Variants in NECTIN3 observed in about 807,000 individuals in gnomAD.
The protein encoded by NECTIN3 is nectin cell adhesion molecule 3.
In NECTIN3, 8 loss-of-function variants were observed where a neutral mutation model predicts 49.4. The ratio of observed to expected loss-of-function variants is 0.16; its 90% CI spans 0.10 to 0.29. The LOEUF is 0.29. Among genes scored for constraint, NECTIN3 ranks in the 10% least tolerant of loss-of-function variants. NECTIN3 has a pLI of 1.00. For synonymous variants in NECTIN3, 277 were observed against 241.1 expected, an observed-to-expected ratio of 1.15 and a Z score of -1.38; for missense variants, 581 against 654.6, an observed-to-expected ratio of 0.89 and a Z score of 1.23.
chr3:111,154,074 A>G (rs1209932628), intron 7 of NECTIN3, among the ~76,000 whole-genome samples: 1 of 152,152 alleles, frequency 6.6e-6, no homozygotes, highest in East Asian at 1.9e-4. Flanking sequence ...CACACACACA[A>G]ATATACTTGG....
chr3:111,169,207 A>G (rs2035386233), intron 7 of NECTIN3, among the ~76,000 whole-genome samples: 1 of 145,190 alleles, frequency 6.9e-6, no homozygotes, highest in African/African-American at 2.6e-5. Context: ...CTCCTGCCTC[A>G]GCCTCCCGAG....
chr3:111,083,457 C>T (rs997211890), intron 1 of NECTIN3, among the ~76,000 whole-genome samples: 1 of 152,076 alleles, frequency 6.6e-6, no homozygotes, highest in Non-Finnish European at 1.5e-5. Context: ...AAGAGGAAGA[C>T]ACTAGAGCTG....
intron 7 of NECTIN3, among the ~76,000 whole-genome samples, chr3:111,186,558 A>G (rs1176331606): frequency 6.6e-6 from 1 of 152,042 alleles, no homozygotes; most frequent in African/African-American, 2.4e-5. Flanking sequence ...CAAAAAATCA[A>G]CTCCTACCTA....
rs565935410 is a variant in NECTIN3 at position 111,144,753 on chromosome 3, ACCTAAT to A, written c.1001-145_1001-140del. ...AAGGGTTTTAGCATAATGCCACTAAACCTAATGAATGAAATTTGGGGTCCTCTAACC... is the reference window on the plus strand; with the variant it reads ...AAGGGTTTTAGCATAATGCCACTAAAGAATGAAATTTGGGGTCCTCTAACC... On this transcript the variant is annotated intron_variant, in intron 5 of 8. Coordinates refer to the NECTIN3 transcript ENST00000493615. The A allele has an allele frequency of 2.5e-3, 2,012 of 798,028 alleles. 30 individuals carry two copies. In the African/African-American group the frequency reaches 0.03, roughly 12 times the overall value. The allele number at this position is 798,028 out of a possible 1,614,324, so 49.4% of individuals were successfully genotyped here. A position where few individuals can be genotyped will look rare whatever the true frequency, so the allele number is the denominator to read the frequency against.
At chr3:111,144,061 A>T (rs1377459199) in intron 5 of NECTIN3, among the ~76,000 whole-genome samples, 1 of 152,078 alleles carries the variant, frequency 6.6e-6, no homozygotes, top group African/African-American at 2.4e-5. Flanking sequence ...ACATTCCTTA[A>T]TACTTAACAT....
downstream of NECTIN3, among the ~76,000 whole-genome samples, chr3:111,140,186 A>G (rs2034707422): frequency 6.6e-6 from 1 of 151,654 alleles, no homozygotes; most frequent in African/African-American, 2.4e-5. Context: ...CCCAACCACT[A>G]TTTTTAGAGT....
intron 1 of NECTIN3, among the ~76,000 whole-genome samples, chr3:111,076,128 CTT>C (rs1220888313): frequency 1.3e-5 from 2 of 152,062 alleles, no homozygotes; most frequent in African/African-American, 4.8e-5. Context: ...GTTTATGTCA[CTT>C]ATACTTTCAT....
chr3:111,156,606 T>C (rs1188394889), intron 7 of NECTIN3, among the ~76,000 whole-genome samples: 1 of 152,172 alleles, frequency 6.6e-6, no homozygotes, highest in African/African-American at 2.4e-5. Context: ...CTTGATTGAG[T>C]TGACCTTATC....
At position 111,167,884 on chromosome 3, in the gene NECTIN3, C is replaced by CTT. The variant is rs111808236; in HGVS notation, c.1221+20405_1221+20406dup. Among the ~76,000 whole-genome samples, 481 of 151,450 alleles carry CTT rather than the reference C, an allele frequency of 3.2e-3. 4 individuals are homozygous for CTT. Among genetic ancestry groups the CTT allele is most frequent in the African/African-American group, 0.011 (453 of 41,362 alleles). ...ATCTTAGGCAACTCACTTTTTTTTT[C>CTT]TTTTTTGGACATTATGTACCAGCTT... On this transcript the variant is annotated intron_variant, in intron 7 of 8. Transcript: ENST00000493615.
chr3:111,077,343 G>GAAAAAAAAAAAA lies in NECTIN3; in HGVS notation c.160+5166_160+5167insAAAAAAAAAAAA, dbSNP rs2031279895. 2.0e-4 allele frequency: 6 copies of GAAAAAAAAAAAA among 29,670 alleles called. 1 individual carries two copies. The highest frequency in any genetic ancestry group is 1.6e-3 in the Non-Finnish European group (3 of 1,824). 1.8% of individuals were successfully genotyped at this position (29,670 alleles called of 1,614,324 possible). A position where few individuals can be genotyped will look rare whatever the true frequency, so the allele number is the denominator to read the frequency against. On this transcript the variant is annotated intron_variant, in intron 1 of 5. Transcript: ENST00000485303. Reference sequence around the variant, plus strand: ...AAAAACTTTGGTTTCAACTTTAATGGTAAAAAAAAAAAAAAAAAAAGATCA... The same window carrying GAAAAAAAAAAAA: ...AAAAACTTTGGTTTCAACTTTAATGGAAAAAAAAAAAATAAAAAAAAAAAAAAAAAAAGATCA...
rs1339825241 is a variant in NECTIN3 at position 111,152,647 on chromosome 3, A to G, written c.1221+5163A>G. 3.3e-5 allele frequency among the ~76,000 whole-genome samples: 5 copies of G among 151,930 alleles called. No individual in the cohort carries two copies. In the South Asian group the frequency reaches 8.3e-4, roughly 25 times the overall value. On this transcript the variant is annotated intron_variant, in intron 7 of 8. Transcript: ENST00000493615. The stretch of plus-strand genomic sequence containing the variant: ...GCATGAATTTTATGTGCATTGCTCC[A>G]TGGTATCCAAATCTGTGGCCAAAAC...
rs200422461 is a variant in NECTIN3 at position 111,089,427 on chromosome 3, G to GTA, written c.160+17251_160+17252insAT. Reference sequence around the variant, plus strand: ...TTCTCGTGTGTGTGTGTGTGTGTGTGTGTATGTATATAAACATATACATAC... The same window carrying GTA: ...TTCTCGTGTGTGTGTGTGTGTGTGTGTATGTATGTATATAAACATATACATAC... On this transcript the variant is annotated intron_variant, in intron 1 of 5. Coordinates refer to ENST00000485303, the MANE Select transcript of NECTIN3 (RefSeq NM_015480.3). 0.039 allele frequency among the ~76,000 whole-genome samples: 5,850 copies of GTA among 150,542 alleles called. 634 individuals are homozygous for GTA. The East Asian group carries it at 0.43, about 11-fold the overall frequency.
rs1451099467 is a variant in NECTIN3 at position 111,193,224 on chromosome 3, G to A, written c.63+811G>A. On this transcript the variant is annotated intron_variant, in intron 1 of 1. Coordinates refer to the NECTIN3 transcript ENST00000485506. The stretch of plus-strand genomic sequence containing the variant: ...GAATGGACTAAATAGCAGGAGTTTT[G>A]ACTATGAAGATGAGAATCCAGTTGG... The A allele has an allele frequency of 2.6e-6, 4 of 1,535,612 alleles. No individual in the cohort carries two copies. In the Admixed American group the frequency reaches 5.9e-5, roughly 23 times the overall value.
At chr3:111,082,271 T>A (rs2031657884) in intron 1 of NECTIN3, among the ~76,000 whole-genome samples, 2 of 152,022 alleles carry the variant, frequency 1.3e-5, no homozygotes, top group Non-Finnish European at 2.9e-5. Flanking sequence ...GAGTTGGGGT[T>A]AGAAGGGTGA....
chr3:111,108,672 C>T (rs1323458704), intron 1 of NECTIN3, among the ~76,000 whole-genome samples: 1 of 152,046 alleles, frequency 6.6e-6, no homozygotes, highest in Admixed American at 6.6e-5. Context: ...TGGTGAGGGC[C>T]TCAGGAAGCT....
upstream of NECTIN3, among the ~76,000 whole-genome samples, chr3:111,187,581 G>C (rs896525692): frequency 1.5e-4 from 23 of 152,042 alleles, no homozygotes; most frequent in African/African-American, 5.3e-4. Context: ...ATGAATAAAT[G>C]AACTAATATA....
chr3:111,172,006 C>A lies in NECTIN3; in HGVS notation c.1222-20345C>A, dbSNP rs1576178353. On this transcript the variant is annotated intron_variant, in intron 7 of 8. Coordinates refer to the NECTIN3 transcript ENST00000493615. ...TATGCAGATTCAACTAAAATGATAT[C>A]TTAAAATAAAGAAATTGGATACTTT... Among the ~76,000 whole-genome samples the A allele has an allele frequency of 2.0e-5, 3 of 152,172 alleles. No homozygotes were observed. The East Asian group carries it at 5.8e-4, about 29-fold the overall frequency.
chr3:111,179,690 C>T (rs548746325), intron 7 of NECTIN3, among the ~76,000 whole-genome samples: 6 of 152,088 alleles, frequency 3.9e-5, no homozygotes, highest in Admixed American at 3.3e-4. Context: ...GTCAGGAGAT[C>T]GAGACCATCC....
chr3:111,128,629 T>C (rs1040553300), intron 5 of NECTIN3, among the ~76,000 whole-genome samples: 1 of 152,186 alleles, frequency 6.6e-6, no homozygotes, highest in African/African-American at 2.4e-5. Context: ...TTCCTTACAT[T>C]TGTTCAGGAT....
Sources: gnomAD v4.1 joint callset for allele counts (sites outside exome capture counted in the v4.1 genomes callset) on GRCh38, gnomAD v4.1.1 for gene constraint, MANE v1.5 for transcripts, NCBI Gene and HGNC (gene_info 2026-07-23, HGNC 2026-07-21) for gene names.